HS3ST3B1: variants seen among roughly 807,000 people sequenced by gnomAD.
The protein encoded by HS3ST3B1 is heparan sulfate-glucosamine 3-sulfotransferase 3B1.
Under a neutral mutation model 21.3 loss-of-function variants are expected in HS3ST3B1, and 13 were observed. The ratio of observed to expected loss-of-function variants is 0.61; its 90% CI spans 0.40 to 0.97. The LOEUF (loss-of-function observed/expected upper bound fraction) is 0.97, where lower values mean the gene tolerates loss of function less well. Ranked by LOEUF, HS3ST3B1 falls within the 50% of genes least tolerant of loss-of-function variation. HS3ST3B1 has a pLI of 0.00. For synonymous variants in HS3ST3B1, 234 were observed against 254.8 expected (o/e 0.92, Z 0.78); for missense variants, 459 against 554.8 (o/e 0.83, Z 1.73).
chr17:14,312,427 C>T (rs560570316), intron 1 of HS3ST3B1, among the ~76,000 whole-genome samples: 1 of 152,270 alleles, frequency 6.6e-6, no homozygotes, highest in East Asian at 1.9e-4. Context: ...TCTTTCCTCC[C>T]AAAGATGTAG....
chr17:14,305,216 G>C (rs1267825317), intron 1 of HS3ST3B1: 1 of 152,260 alleles, frequency 6.6e-6, no homozygotes, highest in East Asian at 1.9e-4. Flanking sequence ...AGTCTGCGAT[G>C]ATGACTCTTC....
intron 1 of HS3ST3B1, among the ~76,000 whole-genome samples, chr17:14,313,471 G>A (rs1467444365): frequency 6.6e-6 from 1 of 152,160 alleles, no homozygotes; most frequent in African/African-American, 2.4e-5. Context: ...CACAAAAGGA[G>A]AAACCTCAGA....
chr17:14,331,505 T>C (rs1421494587), intron 1 of HS3ST3B1, among the ~76,000 whole-genome samples: 1 of 151,958 alleles, frequency 6.6e-6, no homozygotes, highest in African/African-American at 2.4e-5. Context: ...GCCAAATCCT[T>C]GTGGTGGGGG....
chr17:14,333,855 C>T (rs1170004787), intron 1 of HS3ST3B1, among the ~76,000 whole-genome samples: 1 of 152,038 alleles, frequency 6.6e-6, no homozygotes, highest in African/African-American at 2.4e-5. Context: ...CAACCTCTCC[C>T]GGGTTCAAGC....
chr17:14,314,188 AG>A (rs1458510460), intron 1 of HS3ST3B1, among the ~76,000 whole-genome samples: 1 of 151,948 alleles, frequency 6.6e-6, no homozygotes, highest in East Asian at 1.9e-4. Flanking sequence ...CATGTTGGTC[AG>A]GCTGGTCTTG....
intron 1 of HS3ST3B1, among the ~76,000 whole-genome samples, chr17:14,334,190 C>T (rs1036466086): frequency 5.9e-5 from 9 of 151,542 alleles, no homozygotes; most frequent in African/African-American, 1.5e-4. Flanking sequence ...AAAGTTGAGG[C>T]GTAGTTGAAA....
chr17:14,302,815 C>T (rs1249204662), intron 1 of HS3ST3B1, among the ~76,000 whole-genome samples: 1 of 152,230 alleles, frequency 6.6e-6, no homozygotes, highest in Non-Finnish European at 1.5e-5. Context: ...GGCACCGCCG[C>T]CCGTTTCCGC....
At position 14,345,957 on chromosome 17, in the gene HS3ST3B1, C is replaced by T. The variant is rs752503979; in HGVS notation, c.*311C>T. 268 of 278,540 alleles carry T rather than the reference C, an allele frequency of 9.6e-4. No individual in the cohort carries two copies. The highest frequency in any genetic ancestry group is 1.6e-3 in the Non-Finnish European group (235 of 150,480). The allele number at this position is 278,540 out of a possible 1,614,324, so 17.3% of individuals were successfully genotyped here. On this transcript the variant is annotated 3_prime_UTR_variant, in exon 2 of 2. Coordinates refer to ENST00000360954, the MANE Select transcript of HS3ST3B1 (RefSeq NM_006041.3). ...ATTTTTGTTGTTACGGGTATTCAGC[C>T]TTCAGTCACCGTCTGAGTTCTCCAG...
At chr17:14,341,248 A>G (rs1910372546) in intron 1 of HS3ST3B1, among the ~76,000 whole-genome samples, 1 of 152,224 alleles carries the variant, frequency 6.6e-6, no homozygotes. Context: ...CCGGCTGCAG[A>G]GTTCAGGGAA....
At position 14,349,323 on chromosome 17, in the gene HS3ST3B1, A is replaced by G. The variant is rs1910660622; in HGVS notation, c.*3677A>G. 6.6e-6 allele frequency: 1 copy of G among 152,258 alleles called. No homozygotes were observed. The highest frequency in any genetic ancestry group is 1.5e-5 in the Non-Finnish European group (1 of 68,044). 9.4% of individuals were successfully genotyped at this position (152,258 alleles called of 1,614,324 possible). On this transcript the variant is annotated 3_prime_UTR_variant, in exon 2 of 2. Coordinates refer to ENST00000360954, the MANE Select transcript of HS3ST3B1 (RefSeq NM_006041.3). Reference sequence around the variant, plus strand: ...TGTATAACACAAATTAATTTTACACAGAGAAAGATGTTTCTAGGCAAGTGA... The same window carrying G: ...TGTATAACACAAATTAATTTTACACGGAGAAAGATGTTTCTAGGCAAGTGA...
At chr17:14,323,215 T>G (rs930562553) in intron 1 of HS3ST3B1, among the ~76,000 whole-genome samples, 1 of 151,812 alleles carries the variant, frequency 6.6e-6, no homozygotes, top group Admixed American at 6.6e-5. Context: ...CGTGTATATG[T>G]CTTATATCTG....
chr17:14,315,186 G>A (rs1017265429), intron 1 of HS3ST3B1, among the ~76,000 whole-genome samples: 16 of 152,274 alleles, frequency 1.1e-4, no homozygotes, highest in Admixed American at 7.2e-4. Flanking sequence ...AATACCCAAT[G>A]TGTACCATAG....
At chr17:14,342,994 A>T (rs1188142989) in intron 1 of HS3ST3B1, among the ~76,000 whole-genome samples, 1 of 152,236 alleles carries the variant, frequency 6.6e-6, no homozygotes, top group Non-Finnish European at 1.5e-5. Flanking sequence ...CTGTAATCCC[A>T]GCACTTTGGG....
At chr17:14,308,432 A>C (rs377087913) in intron 1 of HS3ST3B1, among the ~76,000 whole-genome samples, 42 of 152,362 alleles carry the variant, frequency 2.8e-4, no homozygotes, top group African/African-American at 9.9e-4. Context: ...AATATTAAAA[A>C]TATCTTGTTA....
intron 1 of HS3ST3B1, among the ~76,000 whole-genome samples, chr17:14,326,829 G>C (rs910719445): frequency 6.6e-6 from 1 of 150,880 alleles, no homozygotes; most frequent in African/African-American, 2.4e-5. Context: ...GCTGAGGCAG[G>C]AGACTCGCTT....
At chr17:14,316,501 G>A (rs558310510) in intron 1 of HS3ST3B1, among the ~76,000 whole-genome samples, 1 of 152,192 alleles carries the variant, frequency 6.6e-6, no homozygotes, top group Admixed American at 6.6e-5. Context: ...TGTTTATGGA[G>A]CAAGATGTTT....
rs1197831948 is a variant in HS3ST3B1, at chr17:14,346,215, C to G, written c.*569C>G. ...CAGCACATGGGGAAATTTCTCACTC[C>G]CTTTACAGGGACATCCACATCCTTT... On this transcript the variant is annotated 3_prime_UTR_variant, in exon 2 of 2. Transcript: ENST00000360954. The G allele has an allele frequency of 2.6e-5, 4 of 152,190 alleles. No individual in the cohort carries two copies. Among genetic ancestry groups the G allele is most frequent in the Admixed American group, 1.3e-4 (2 of 15,096 alleles). 9.4% of individuals were successfully genotyped at this position (152,190 alleles called of 1,614,324 possible). A position where few individuals can be genotyped will look rare whatever the true frequency, so the allele number is the denominator to read the frequency against.
chr17:14,326,790 G>A (rs986412731), intron 1 of HS3ST3B1, among the ~76,000 whole-genome samples: 1 of 151,916 alleles, frequency 6.6e-6, no homozygotes, highest in African/African-American at 2.4e-5. Context: ...ACGTGGTGGT[G>A]TGCACCTGTA....
At chr17:14,331,121 T>C (rs2142344589) in intron 1 of HS3ST3B1, among the ~76,000 whole-genome samples, 1 of 152,306 alleles carries the variant, frequency 6.6e-6, no homozygotes, top group Non-Finnish European at 1.5e-5. Context: ...TGATTTTATT[T>C]TTAAGTTGGA....
Sources: gnomAD v4.1 joint callset for allele counts (sites outside exome capture counted in the v4.1 genomes callset) on GRCh38, gnomAD v4.1.1 for gene constraint, MANE v1.5 for transcripts, NCBI Gene and HGNC (gene_info 2026-07-23, HGNC 2026-07-21) for gene names.